DLGAP2: variants seen among roughly 807,000 people sequenced by gnomAD.
DLGAP2 encodes the protein disks large-associated protein 2.
DLGAP2 carries 26 observed loss-of-function variants against 100.3 expected under a neutral mutation model. The observed-to-expected ratio is 0.26, with a 90% CI of 0.19 to 0.36. The LOEUF (loss-of-function observed/expected upper bound fraction) is 0.36. Among genes scored for constraint, DLGAP2 ranks in the 10% least tolerant of loss-of-function variants. The probability of loss-of-function intolerance (pLI) is 1.00; values close to 1 mark genes in which losing one functional copy is unlikely to be tolerated. For missense variants in DLGAP2, 1,858 were observed against 1,453.2 expected, an observed-to-expected ratio of 1.28 and a Z score of -4.53; for synonymous variants, 886 against 630.1, an observed-to-expected ratio of 1.41 and a Z score of -6.08.
chr8:1,580,313 A>G (rs1803180051), intron 6 of DLGAP2, among the ~76,000 whole-genome samples: 2 of 152,192 alleles, frequency 1.3e-5, no homozygotes, highest in Admixed American at 6.5e-5. Context: ...AAGACCACAG[A>G]TGGGGTTCAT....
At chr8:783,641 C>T (rs573263039) in intron 1 of DLGAP2, among the ~76,000 whole-genome samples, 9 of 152,300 alleles carry the variant, frequency 5.9e-5, no homozygotes, top group African/African-American at 1.9e-4. Flanking sequence ...CCTTTCCCTA[C>T]AGTCTGCTAA....
chr8:1,334,592 G>A (rs927999575), intron 3 of DLGAP2, among the ~76,000 whole-genome samples: 1 of 151,724 alleles, frequency 6.6e-6, no homozygotes, highest in East Asian at 2.0e-4. Flanking sequence ...ACCTGCCCTC[G>A]ACCCCCCCAG....
intron 2 of DLGAP2, among the ~76,000 whole-genome samples, chr8:1,008,391 A>G (rs1388450968): frequency 6.6e-5 from 10 of 152,234 alleles, no homozygotes; most frequent in African/African-American, 1.2e-4. Flanking sequence ...GATTTTGCAG[A>G]TATGGTTTTA....
intron 6 of DLGAP2, among the ~76,000 whole-genome samples, chr8:1,598,468 A>G (rs1796526547): frequency 6.6e-6 from 1 of 152,212 alleles, no homozygotes; most frequent in East Asian, 1.9e-4. Context: ...CCTCTGGTAG[A>G]ATTTGGCTGT....
At chr8:1,004,826 A>G (rs1253979746) in intron 2 of DLGAP2, among the ~76,000 whole-genome samples, 2 of 152,206 alleles carry the variant, frequency 1.3e-5, no homozygotes, top group African/African-American at 2.4e-5. Flanking sequence ...TGAAGTGTCC[A>G]TGTCAAGGCA....
rs192669658 is a variant in DLGAP2, at chr8:1,136,080, C to T, written c.74-122771C>T. Among the ~76,000 whole-genome samples the T allele has an allele frequency of 7.9e-5, 12 of 151,982 alleles. No individual in the cohort carries two copies. In the East Asian group the frequency reaches 1.4e-3, roughly 17 times the overall value. ...TCCCAACCTGCTCATGAAAAATTCACGCAAGGGATTTGAGATTCCCCTTGC... is the reference window on the plus strand; with the variant it reads ...TCCCAACCTGCTCATGAAAAATTCATGCAAGGGATTTGAGATTCCCCTTGC... On this transcript the variant is annotated intron_variant, in intron 2 of 14. Coordinates refer to ENST00000637795, the MANE Select transcript of DLGAP2 (RefSeq NM_001346810.2).
Position 879,059 on chromosome 8 carries a change from G to GT in DLGAP2, c.19-28852dup, listed in dbSNP as rs552426458. Among the ~76,000 whole-genome samples the GT allele has an allele frequency of 1.5e-4, 23 of 152,320 alleles. No individual in the cohort carries two copies. The East Asian group carries it at 1.5e-3, about 10-fold the overall frequency. The stretch of plus-strand genomic sequence containing the variant: ...AATTGGCCAAAACCAACTAGGTTGT[G>GT]TGTGAAAGCAACTTGATTACATTAT... On this transcript the variant is annotated intron_variant, in intron 1 of 14. Coordinates refer to ENST00000637795, the MANE Select transcript of DLGAP2 (RefSeq NM_001346810.2).
At chr8:977,765 G>A (rs1800206532) in intron 2 of DLGAP2, among the ~76,000 whole-genome samples, 2 of 135,624 alleles carry the variant, frequency 1.5e-5, no homozygotes, top group Non-Finnish European at 3.3e-5. Context: ...TCTGGTCTTT[G>A]GTGTTGTGGG....
intron 2 of DLGAP2, among the ~76,000 whole-genome samples, chr8:1,252,347 T>TGTCGTGTCACA (rs1799064418): frequency 1.4e-5 from 2 of 144,112 alleles, no homozygotes; most frequent in Non-Finnish European, 3.2e-5. Context: ...GTCACAGTCA[T>TGTCGTGTCACA]GTCATGTCAC....
At chr8:1,544,908 T>A (rs1402840445) in intron 4 of DLGAP2, among the ~76,000 whole-genome samples, 2 of 152,024 alleles carry the variant, frequency 1.3e-5, no homozygotes, top group African/African-American at 4.8e-5. Flanking sequence ...TATGTTTGTA[T>A]TTTTAGTAGA....
At chr8:1,229,984 C>T (rs1798501803) in intron 2 of DLGAP2, among the ~76,000 whole-genome samples, 1 of 152,144 alleles carries the variant, frequency 6.6e-6, no homozygotes, top group Admixed American at 6.5e-5. Flanking sequence ...CCACTCTCAC[C>T]ACTCCTATTC....
At chr8:914,599 C>T (rs1322557605) in intron 2 of DLGAP2, among the ~76,000 whole-genome samples, 1 of 152,218 alleles carries the variant, frequency 6.6e-6, no homozygotes, top group East Asian at 1.9e-4. Flanking sequence ...AGCCCCCATC[C>T]GTTCTGGGCC....
intron 2 of DLGAP2, among the ~76,000 whole-genome samples, chr8:1,026,017 G>A (rs914584757): frequency 5.3e-5 from 8 of 152,222 alleles, no homozygotes; most frequent in African/African-American, 1.2e-4. Context: ...AGGGATTCCC[G>A]GCAGAAGGCT....
chr8:951,599 T>G (rs555201799), intron 2 of DLGAP2, among the ~76,000 whole-genome samples: 1 of 152,334 alleles, frequency 6.6e-6, no homozygotes, highest in African/African-American at 2.4e-5. Flanking sequence ...CCCTTGATAA[T>G]TATTGCGTTC....
At chr8:1,497,138 C>T (rs924597646) in intron 3 of DLGAP2, among the ~76,000 whole-genome samples, 8 of 152,164 alleles carry the variant, frequency 5.3e-5, no homozygotes, top group African/African-American at 1.9e-4. Context: ...GGAGTTGCCG[C>T]GGTGAAAGAC....
In DLGAP2 at chr8:914,430, T is replaced by C. The variant is rs376715851; in HGVS notation, c.73+6464T>C. 4.8e-3 allele frequency among the ~76,000 whole-genome samples: 736 copies of C among 152,392 alleles called. 11 individuals are homozygous for C. The highest frequency in any genetic ancestry group is 0.017 in the African/African-American group (711 of 41,590). ...GCCTTTATTAGAAAATTGGTCATGC[T>C]ATTTAATTCCTGCTAGAACAAGGGG... On this transcript the variant is annotated intron_variant, in intron 2 of 14. Transcript: ENST00000637795.
chr8:1,313,264 T>C (rs925804676), intron 3 of DLGAP2, among the ~76,000 whole-genome samples: 1 of 152,232 alleles, frequency 6.6e-6, no homozygotes, highest in Non-Finnish European at 1.5e-5. Context: ...ATCTTGTTGT[T>C]GTTCAGCATG....
intron 3 of DLGAP2, among the ~76,000 whole-genome samples, chr8:1,334,008 G>T (rs1801216744): frequency 6.6e-6 from 1 of 152,236 alleles, no homozygotes. Context: ...CCATGCCGGG[G>T]AAGAGGCTTC....
chr8:1,170,719 C>T (rs551820816), intron 2 of DLGAP2, among the ~76,000 whole-genome samples: 8,786 of 148,960 alleles, frequency 0.059, 377 homozygotes, highest in African/African-American at 0.11. Flanking sequence ...TCTGTGGGAT[C>T]GGTGGTGATA....
Sources: allele counts gnomAD v4.1 joint callset (sites outside exome capture counted in the v4.1 genomes callset), GRCh38; gene constraint gnomAD v4.1.1; transcripts MANE v1.5; gene names NCBI Gene and HGNC (gene_info 2026-07-23, HGNC 2026-07-21).